AOPEP: variants seen among roughly 807,000 people sequenced by gnomAD.
The protein encoded by AOPEP is aminopeptidase O.
A neutral mutation model predicts 98.1 loss-of-function variants in AOPEP; 77 were observed. That is an observed-to-expected ratio of 0.78 (90% CI 0.65 to 0.95). The LOEUF (loss-of-function observed/expected upper bound fraction) is 0.95, where lower values mean the gene tolerates loss of function less well. Among genes scored for constraint, AOPEP ranks in the 40% least tolerant of loss-of-function variants. AOPEP has a pLI of 0.00. For missense variants in AOPEP, 1,024 were observed against 1,024.7 expected, an observed-to-expected ratio of 1.00 and a Z score of 0.01; for synonymous variants, 346 against 365.3, an observed-to-expected ratio of 0.95 and a Z score of 0.60.
intron 5 of AOPEP, among the ~76,000 whole-genome samples, chr9:94,835,924 T>A (rs1021885278): frequency 6.6e-6 from 1 of 152,216 alleles, no homozygotes; most frequent in Non-Finnish European, 1.5e-5. Context: ...CTTTGTTCTA[T>A]CCCTATACCT....
chr9:95,109,283 C>T, the AOPEP span, among the ~76,000 whole-genome samples: 1 of 152,124 alleles, frequency 6.6e-6, no homozygotes. Context: ...TTTATTTGGC[C>T]AGTAGCCTTA....
At chr9:95,094,343 A>G in the AOPEP span, among the ~76,000 whole-genome samples, 30 of 152,352 alleles carry the variant, frequency 2.0e-4, no homozygotes, top group Middle Eastern at 6.8e-3. Flanking sequence ...CAGAATACAC[A>G]TAAGATTGAC....
intron 13 of AOPEP, among the ~76,000 whole-genome samples, chr9:95,028,574 G>T (rs1450671619): frequency 6.6e-6 from 1 of 152,226 alleles, no homozygotes; most frequent in Non-Finnish European, 1.5e-5. Flanking sequence ...AATCTGGGAA[G>T]ATTGTATTTT....
At chr9:95,015,684 A>G (rs900893052) in intron 13 of AOPEP, among the ~76,000 whole-genome samples, 2 of 152,208 alleles carry the variant, frequency 1.3e-5, no homozygotes, top group African/African-American at 4.8e-5. Context: ...TTGGATCTCT[A>G]TAAGGGAAGT....
chr9:94,820,685 G>A lies in AOPEP; in HGVS notation c.1364+19683G>A, dbSNP rs139679965. Among the ~76,000 whole-genome samples, 778 of 152,308 alleles carry A rather than the reference G, an allele frequency of 5.1e-3. 6 individuals are homozygous for A. The highest frequency in any genetic ancestry group is 0.018 in the African/African-American group (736 of 41,568). ...TAACATACCTGCCATATTGTGGGAG[G>A]TAGGGATGTGCCTGCATCTTATTTA... is the stretch of plus-strand genomic sequence containing the variant. On this transcript the variant is annotated intron_variant, in intron 5 of 16. Coordinates refer to ENST00000375315, the MANE Select transcript of AOPEP (RefSeq NM_001193329.3).
chr9:94,765,439 A>AAAATAATAAT (rs1554706555), intron 2 of AOPEP, among the ~76,000 whole-genome samples: 1 of 123,820 alleles, frequency 8.1e-6, no homozygotes, highest in Non-Finnish European at 1.6e-5. Context: ...TTCTCTACAA[A>AAAATAATAAT]AATAATAATA....
the AOPEP span, among the ~76,000 whole-genome samples, chr9:95,115,129 A>G: frequency 6.6e-6 from 1 of 152,092 alleles, no homozygotes; most frequent in Admixed American, 6.5e-5. Context: ...TTTTGTAGAG[A>G]TGAGGTTTCA....
At chr9:94,797,979 C>G (rs1847395819) in intron 4 of AOPEP, among the ~76,000 whole-genome samples, 1 of 152,170 alleles carries the variant, frequency 6.6e-6, no homozygotes, top group African/African-American at 2.4e-5. Flanking sequence ...GCTGGGATTA[C>G]AGGCATGAGC....
chr9:95,046,848 A>G (rs2065909270), intron 13 of AOPEP, among the ~76,000 whole-genome samples: 1 of 152,212 alleles, frequency 6.6e-6, no homozygotes, highest in Non-Finnish European at 1.5e-5. Flanking sequence ...AGGAAACTAA[A>G]GTTGTAAGTT....
intron 16 of AOPEP, chr9:95,085,435 C>T (rs758048117): frequency 1.9e-6 from 1 of 531,834 alleles, no homozygotes; most frequent in Non-Finnish European, 3.9e-6. Flanking sequence ...TTTATTTATG[C>T]CCAGCGATGA....
intron 1 of AOPEP, among the ~76,000 whole-genome samples, chr9:94,739,965 T>G (rs1832706400): frequency 6.6e-6 from 1 of 152,136 alleles, no homozygotes; most frequent in Non-Finnish European, 1.5e-5. Flanking sequence ...TTTGTTCTAA[T>G]CAGGTATGGC....
the AOPEP span, among the ~76,000 whole-genome samples, chr9:95,119,943 C>T: frequency 1.3e-5 from 2 of 152,198 alleles, no homozygotes. Flanking sequence ...ATCTCCTGGG[C>T]TCAAGAGATC....
In AOPEP at chr9:94,955,248, A is replaced by G. The variant is rs1231251323; in HGVS notation, c.1733A>G (p.Glu578Gly). 6.2e-6 allele frequency: 10 copies of G among 1,613,314 alleles called. No homozygotes were observed. In the Admixed American group the frequency reaches 1.7e-4, roughly 27 times the overall value. Residue 578 changes from glutamate to glycine, a missense_variant, in exon 8 of 17, where the codon GAG (glutamate) becomes GGG (glycine). By Grantham distance (98) the Glu-to-Gly change is moderately conservative. Transcript: ENST00000375315. ...ASVIKHGLNP[E>G]KIFMQVHYLK... Reference sequence around the variant, plus strand: ...GTTATCAAGCATGGACTTAATCCGGAGAAGATCTTCATGCAGGTGCATTAT... The same window carrying G: ...GTTATCAAGCATGGACTTAATCCGGGGAAGATCTTCATGCAGGTGCATTAT...
At chr9:94,804,374 T>TC (rs1848809913) in intron 5 of AOPEP, among the ~76,000 whole-genome samples, 1 of 152,230 alleles carries the variant, frequency 6.6e-6, no homozygotes, top group Non-Finnish European at 1.5e-5. Context: ...TTCTTTTTTT[T>TC]CCTTGTATTT....
chr9:95,138,870 A>G, the AOPEP span, among the ~76,000 whole-genome samples: 2 of 152,238 alleles, frequency 1.3e-5, no homozygotes, highest in African/African-American at 4.8e-5. Flanking sequence ...CGCCCATTCT[A>G]GTTTGAAAAC....
At chr9:94,931,610 C>A in intron 7 of AOPEP, 1 of 721,920 alleles carries the variant, frequency 1.4e-6, no homozygotes, top group South Asian at 1.8e-5. Context: ...GAAAGAAGTC[C>A]CTTAAAAACA....
chr9:94,978,096 ACTT>A (rs1312066206), intron 10 of AOPEP, among the ~76,000 whole-genome samples: 3 of 151,776 alleles, frequency 2.0e-5, no homozygotes, highest in Non-Finnish European at 4.4e-5. Context: ...CTACCTCACT[ACTT>A]CCCCGTCTGC....
At chr9:95,106,175 A>G in the AOPEP span, among the ~76,000 whole-genome samples, 22 of 151,948 alleles carry the variant, frequency 1.4e-4, no homozygotes, top group Non-Finnish European at 2.6e-4. Flanking sequence ...TGTGCAGTGC[A>G]TCTCGCTGCA....
At chr9:95,096,325 C>T in the AOPEP span, among the ~76,000 whole-genome samples, 3 of 152,056 alleles carry the variant, frequency 2.0e-5, no homozygotes, top group African/African-American at 7.2e-5. Flanking sequence ...GGCTCCCCGA[C>T]GGGCTGGATG....
Sources: allele counts gnomAD v4.1 joint callset (sites outside exome capture counted in the v4.1 genomes callset), GRCh38; gene constraint gnomAD v4.1.1; transcripts MANE v1.5; gene names NCBI Gene and HGNC (gene_info 2026-07-23, HGNC 2026-07-21).